The following DDB2 variants were observed in gnomAD, a reference collection of about 807,000 sequenced individuals.
The protein encoded by DDB2 is damage specific DNA binding protein 2.
In DDB2, 27 loss-of-function variants were observed where a neutral mutation model predicts 50.5. That is an observed-to-expected ratio of 0.53 (90% CI 0.39 to 0.74). The LOEUF (loss-of-function observed/expected upper bound fraction) is 0.74, where lower values mean the gene tolerates loss of function less well. Among genes scored for constraint, DDB2 ranks in the 30% least tolerant of loss-of-function variants. The pLI, the probability that DDB2 is intolerant of heterozygous loss-of-function variation, is 0.00. For synonymous variants in DDB2, 176 were observed against 205.5 expected (o/e 0.86, Z 1.23); for missense variants, 424 against 545.6 (o/e 0.78, Z 2.22).
At chr11:47,232,191 C>T (rs1189192407) in intron 3 of DDB2, among the ~76,000 whole-genome samples, 2 of 151,724 alleles carry the variant, frequency 1.3e-5, no homozygotes, top group Non-Finnish European at 2.9e-5. Flanking sequence ...TAAAAATATA[C>T]AATTTAGCCA....
intron 9 of DDB2, 37 bp downstream of exon 9, chr11:47,238,220 C>T (rs371594907): frequency 5.8e-5 from 92 of 1,573,254 alleles, no homozygotes; most frequent in South Asian, 3.2e-4. Context: ...TTGCCAAGTC[C>T]GATCCTACTT....
intron 3 of DDB2, 42 bp downstream of exon 3, chr11:47,217,091 G>A (rs376867947): frequency 1.7e-5 from 27 of 1,574,746 alleles, no homozygotes; most frequent in Non-Finnish European, 2.2e-5. Flanking sequence ...AGAAGTGTTT[G>A]TTGGCTGGGT....
At chr11:47,217,897 AAAG>A (rs943409307) in intron 3 of DDB2, among the ~76,000 whole-genome samples, 1 of 152,208 alleles carries the variant, frequency 6.6e-6, no homozygotes, top group African/African-American at 2.4e-5. Flanking sequence ...TCTCAAAAAA[AAAG>A]AATTGAAGCC....
intron 3 of DDB2, among the ~76,000 whole-genome samples, chr11:47,230,017 G>C (rs1471432333): frequency 6.6e-6 from 1 of 151,248 alleles, no homozygotes; most frequent in Non-Finnish European, 1.5e-5. Flanking sequence ...ATTTTTTATA[G>C]AGGCTGGACC....
chr11:47,236,865 G>A (rs530443326), intron 7 of DDB2, among the ~76,000 whole-genome samples: 14 of 152,306 alleles, frequency 9.2e-5, no homozygotes, highest in African/African-American at 2.9e-4. Flanking sequence ...GCCAGGTGTC[G>A]TAAGTCATTA....
chr11:47,232,950 A>C lies in DDB2; in HGVS notation c.593A>C (p.Asp198Ala), dbSNP rs1370580853. The C allele has an allele frequency of 5.6e-6, 9 of 1,614,104 alleles. No homozygotes were observed. The highest frequency in any genetic ancestry group is 1.7e-6 in the Non-Finnish European group (2 of 1,180,038). The change falls in exon 4 of 10, where the codon GAC becomes GCC. Residue 198 changes from aspartate (D) to alanine (A), a missense_variant. Physicochemically the swap from Asp to Ala is moderately radical, Grantham distance 126 (BLOSUM62 -2). Transcript: ENST00000256996. ...ATTCTACGAGTTTTTGCCAGCTCAG[A>C]CACCATCAAGTGAGTAGTTTAACTA... ...GNILRVFASS[D>A]TINIWFCSLD...
At chr11:47,233,095 TTC>T (rs1953673033) in intron 4 of DDB2, 136 bp downstream of exon 4, 1 of 1,070,156 alleles carries the variant, frequency 9.3e-7, no homozygotes. Flanking sequence ...CCGCCCTTCT[TTC>T]TCTTTCTCAA....
rs188274551 is a variant in DDB2 at position 47,229,295 on chromosome 11, G to A, written c.457-3519G>A. Among the ~76,000 whole-genome samples, 100 of 152,268 alleles carry A rather than the reference G, an allele frequency of 6.6e-4. 1 individual carries two copies. The highest frequency in any genetic ancestry group is 3.7e-3 in the East Asian group (19 of 5,180). ...GGCATGGAATAGTGAAGTCTGAAGC[G>A]GGGTTGAGGATGCTGAACCACAGGG... On this transcript the variant is annotated intron_variant, in intron 3 of 9. Transcript: ENST00000256996.
At position 47,232,979 on chromosome 11, in the gene DDB2, G is replaced by T. The variant is rs56042554; in HGVS notation, c.602+20G>T. The T allele has an allele frequency of 1.9e-6, 3 of 1,613,844 alleles. No individual in the cohort carries two copies. The highest frequency in any genetic ancestry group is 2.5e-6 in the Non-Finnish European group (3 of 1,179,834). On this transcript the variant is annotated intron_variant, in intron 4 of 9. Coordinates refer to ENST00000256996, the MANE Select transcript of DDB2 (RefSeq NM_000107.3). ...CATCAAGTGAGTAGTTTAACTAGCA[G>T]GGGAAAGGGCTTCTAAGCTTAGGTG...
chr11:47,226,734 CTTTTTTTTTTTTTT>C (rs542832519), intron 3 of DDB2, among the ~76,000 whole-genome samples: 46 of 124,556 alleles, frequency 3.7e-4, no homozygotes, highest in Non-Finnish European at 3.6e-4. Flanking sequence ...AGTCCTTTGC[CTTTTTTTTTTTTTT>C]TTTTTTTTTT....
chr11:47,224,326 C>G (rs971415910), intron 3 of DDB2, among the ~76,000 whole-genome samples: 6 of 152,206 alleles, frequency 3.9e-5, no homozygotes, highest in Admixed American at 3.3e-4. Context: ...CTCCAGGGTT[C>G]AAGCGATTCT....
intron 3 of DDB2, among the ~76,000 whole-genome samples, chr11:47,221,188 A>G (rs546898395): frequency 6.6e-6 from 1 of 152,236 alleles, no homozygotes; most frequent in Admixed American, 6.5e-5. Flanking sequence ...GTGTATTCTT[A>G]TCATAAAATA....
At chr11:47,215,371 C>A in intron 1 of DDB2, 108 bp downstream of exon 1, 1 of 1,558,656 alleles carries the variant, frequency 6.4e-7, no homozygotes, top group South Asian at 1.1e-5. Flanking sequence ...GCGCAGGTCA[C>A]GGGTGCCTCC....
chr11:47,233,865 C>T lies in DDB2; in HGVS notation c.603-708C>T, dbSNP rs114883807. Among the ~76,000 whole-genome samples the T allele has an allele frequency of 4.7e-3, 712 of 152,212 alleles. 6 individuals carry two copies. Among genetic ancestry groups the T allele is most frequent in the African/African-American group, 0.016 (670 of 41,520 alleles). ...GTCCCGCAGGGATGAGGAGTGCATG[C>T]GCACGCAAATCAGCAGGCAATTGGA... On this transcript the variant is annotated intron_variant, in intron 4 of 9. Transcript: ENST00000256996.
At chr11:47,216,305 G>A in intron 1 of DDB2, 31 bp from the exon 2 acceptor site, 1 of 1,614,118 alleles carries the variant, frequency 6.2e-7, no homozygotes, top group Non-Finnish European at 8.5e-7. Flanking sequence ...CGTGAGATTG[G>A]AGAGGAAAAT....
chr11:47,221,276 A>AT (rs573725356), intron 3 of DDB2, among the ~76,000 whole-genome samples: 3,891 of 143,158 alleles, frequency 0.027, 92 homozygotes, highest in African/African-American at 0.059. Flanking sequence ...TGTGTACACT[A>AT]TTTTTTTTTT....
chr11:47,221,332 G>C (rs1953481848), intron 3 of DDB2, among the ~76,000 whole-genome samples: 1 of 150,742 alleles, frequency 6.6e-6, no homozygotes, highest in African/African-American at 2.4e-5. Flanking sequence ...GGAGTGCAGT[G>C]GTGCGATCTC....
chr11:47,215,549 T>TC, intron 1 of DDB2: 1 of 444,698 alleles, frequency 2.2e-6, no homozygotes, highest in South Asian at 2.1e-5. Context: ...CTTCAGAGAA[T>TC]CCTACCTTTC....
chr11:47,226,964 A>G (rs1953567593), intron 3 of DDB2, among the ~76,000 whole-genome samples: 1 of 151,366 alleles, frequency 6.6e-6, no homozygotes, highest in Non-Finnish European at 1.5e-5. Context: ...TACTAAGTTA[A>G]AAAAAAATTT....
Sources: allele counts gnomAD v4.1 joint callset (sites outside exome capture counted in the v4.1 genomes callset), GRCh38; gene constraint gnomAD v4.1.1; transcripts MANE v1.5; gene names NCBI Gene and HGNC (gene_info 2026-07-23, HGNC 2026-07-21).